The following KCNAB1 variants were observed in gnomAD, a reference collection of about 807,000 sequenced individuals.
The protein encoded by KCNAB1 is potassium voltage-gated channel subfamily A regulatory beta subunit 1.
KCNAB1 carries 35 observed loss-of-function variants against 64.6 expected under a neutral mutation model. The observed-to-expected ratio is 0.54, with a 90% CI of 0.41 to 0.72. The LOEUF (loss-of-function observed/expected upper bound fraction) is 0.72. KCNAB1 is among the 30% of genes least tolerant of loss of function. The pLI is 0.00. For synonymous variants in KCNAB1, 177 were observed against 183.8 expected, an observed-to-expected ratio of 0.96 and a Z score of 0.30; for missense variants, 401 against 512.9, an observed-to-expected ratio of 0.78 and a Z score of 2.11.
intron 8 of KCNAB1, among the ~76,000 whole-genome samples, chr3:156,489,951 C>T (rs995451369): frequency 1.1e-4 from 16 of 152,058 alleles, no homozygotes; most frequent in Admixed American, 3.3e-4. Flanking sequence ...AAAGAGGATA[C>T]AGAGCTACTA....
chr3:156,185,934 C>T (rs1470974146), intron 1 of KCNAB1, among the ~76,000 whole-genome samples: 2 of 152,070 alleles, frequency 1.3e-5, no homozygotes, highest in African/African-American at 4.8e-5. Context: ...TATAGGCCAT[C>T]CCTGCAACTT....
At chr3:156,120,541 C>A, upstream of KCNAB1, 1 of 1,563,124 alleles carries the variant, frequency 6.4e-7, no homozygotes. Flanking sequence ...GGGAGGGAGG[C>A]AGAAGCAGAA....
At chr3:156,297,312 G>T (rs537265274) in intron 1 of KCNAB1, among the ~76,000 whole-genome samples, 1 of 144,726 alleles carries the variant, frequency 6.9e-6, no homozygotes, top group Admixed American at 7.2e-5. Context: ...CAGGGAAGTG[G>T]TGAGAAAGAA....
rs1718591321 is a variant in KCNAB1 at position 156,264,478 on chromosome 3, T to C, written c.275+143592T>C. On this transcript the variant is annotated intron_variant, in intron 1 of 13. Transcript: ENST00000490337. Reference sequence around the variant, plus strand: ...TCACTCTGTTCCTCTTTGATTCTTTTGTGTTAAATACATATTTTAATTAGC... The same window carrying C: ...TCACTCTGTTCCTCTTTGATTCTTTCGTGTTAAATACATATTTTAATTAGC... 2.0e-5 allele frequency among the ~76,000 whole-genome samples: 3 copies of C among 152,140 alleles called. No homozygotes were observed. In the South Asian group the frequency reaches 6.2e-4, roughly 31 times the overall value.
At chr3:156,204,443 T>C (rs951801983) in intron 1 of KCNAB1, among the ~76,000 whole-genome samples, 3 of 152,194 alleles carry the variant, frequency 2.0e-5, no homozygotes, top group Non-Finnish European at 4.4e-5. Context: ...TTTTATCTTA[T>C]AGGCATTTTC....
intron 1 of KCNAB1, among the ~76,000 whole-genome samples, chr3:156,416,090 G>A (rs1254543097): frequency 6.6e-6 from 1 of 152,046 alleles, no homozygotes; most frequent in African/African-American, 2.4e-5. Context: ...TTTACCTACT[G>A]GGGATATCTG....
chr3:156,430,283 A>G (rs965925030), intron 2 of KCNAB1, among the ~76,000 whole-genome samples: 8 of 152,178 alleles, frequency 5.3e-5, no homozygotes, highest in African/African-American at 1.9e-4. Context: ...GAGAAAATAG[A>G]AGGGTCTGTA....
At chr3:156,364,507 G>T (rs1198230219) in intron 1 of KCNAB1, among the ~76,000 whole-genome samples, 1 of 152,136 alleles carries the variant, frequency 6.6e-6, no homozygotes, top group Non-Finnish European at 1.5e-5. Flanking sequence ...GGCCAGGCAC[G>T]GTGGCTCACA....
intron 1 of KCNAB1, among the ~76,000 whole-genome samples, chr3:156,270,125 C>T (rs1718941450): frequency 6.6e-6 from 1 of 152,040 alleles, no homozygotes; most frequent in South Asian, 2.1e-4. Flanking sequence ...ACCGTGTTAG[C>T]CAGGATGGTC....
At chr3:156,338,727 G>A (rs550268307) in intron 1 of KCNAB1, among the ~76,000 whole-genome samples, 1 of 152,188 alleles carries the variant, frequency 6.6e-6, no homozygotes, top group Non-Finnish European at 1.5e-5. Context: ...CCATGTCCCA[G>A]GTTCCAGTTC....
In KCNAB1 at chr3:156,490,456, C is replaced by G. The variant is rs371149521; in HGVS notation, c.658+15636C>G. 3.3e-5 allele frequency among the ~76,000 whole-genome samples: 5 copies of G among 152,022 alleles called. No individual in the cohort carries two copies. In the East Asian group the frequency reaches 9.7e-4, roughly 29 times the overall value. ...GAAAACAGAGTAATGCAGAGAGATA[C>G]AGAAATGTTCAAAGAAACTATAATA... On this transcript the variant is annotated intron_variant, in intron 8 of 13. Transcript: ENST00000490337.
At chr3:156,534,191 G>C (rs2108430773) in intron 13 of KCNAB1, among the ~76,000 whole-genome samples, 1 of 152,300 alleles carries the variant, frequency 6.6e-6, no homozygotes, top group African/African-American at 2.4e-5. Flanking sequence ...CCCAGCAGTG[G>C]TGGCACTGGC....
intron 1 of KCNAB1, among the ~76,000 whole-genome samples, chr3:156,204,665 T>C (rs929345475): frequency 1.3e-5 from 2 of 152,202 alleles, no homozygotes; most frequent in East Asian, 1.9e-4. Context: ...TCCCCATCTC[T>C]ACTAAAAATA....
At chr3:156,137,629 C>A (rs4679760) in intron 1 of KCNAB1, among the ~76,000 whole-genome samples, 1 of 150,302 alleles carries the variant, frequency 6.7e-6, no homozygotes, top group Admixed American at 6.6e-5. Context: ...CCACAACCCC[C>A]GCCCCCACCA....
At chr3:156,487,855 A>G (rs190453376) in intron 8 of KCNAB1, among the ~76,000 whole-genome samples, 18 of 152,228 alleles carry the variant, frequency 1.2e-4, no homozygotes, top group African/African-American at 4.3e-4. Flanking sequence ...ATCTGACAAG[A>G]GAATTCACAT....
intron 1 of KCNAB1, among the ~76,000 whole-genome samples, chr3:156,382,566 A>G (rs1712247009): frequency 6.6e-6 from 1 of 152,192 alleles, no homozygotes; most frequent in Non-Finnish European, 1.5e-5. Context: ...TCTTTTTGTG[A>G]TACTGGTTGG....
intron 1 of KCNAB1, among the ~76,000 whole-genome samples, chr3:156,228,571 G>T (rs992520758): frequency 3.3e-5 from 5 of 152,168 alleles, no homozygotes; most frequent in African/African-American, 1.2e-4. Flanking sequence ...GACCGCTGCA[G>T]GTGTGCTAGA....
In KCNAB1 at chr3:156,120,802, G is replaced by T. The variant is rs149673348; in HGVS notation, c.191G>T (p.Arg64Leu). Residue 64 changes from arginine to leucine, a missense_variant, in exon 1 of 14, where the codon CGC (arginine) becomes CTC (leucine). Physicochemically the swap from Arg to Leu is moderately radical, Grantham distance 102. Coordinates refer to ENST00000490337, the MANE Select transcript of KCNAB1 (RefSeq NM_172160.3). ...AGGGCGCGTCAACTGGCTCTGCTGC[G>T]CGAAGTGGAGATGAACTGGTACCTA... is the stretch of plus-strand genomic sequence containing the variant. ...QLRARQLALL[R>L]EVEMNWYLKL... is the part of the protein sequence containing the mutation. 12 of 1,614,132 alleles carry T rather than the reference G, an allele frequency of 7.4e-6. No homozygotes were observed. In the East Asian group the frequency reaches 2.2e-4, roughly 30 times the overall value.
intron 1 of KCNAB1, among the ~76,000 whole-genome samples, chr3:156,341,028 C>A (rs1724071261): frequency 6.6e-6 from 1 of 152,126 alleles, no homozygotes; most frequent in African/African-American, 2.4e-5. Flanking sequence ...TCCTGTTATG[C>A]AATACGTTGG....
Sources: allele counts gnomAD v4.1 joint callset (sites outside exome capture counted in the v4.1 genomes callset), GRCh38; gene constraint gnomAD v4.1.1; transcripts MANE v1.5; gene names NCBI Gene and HGNC (gene_info 2026-07-23, HGNC 2026-07-21).